NFATC4: variants seen among roughly 807,000 people sequenced by gnomAD.
NFATC4 encodes nuclear factor of activated T-cells, cytoplasmic 4.
In NFATC4, 25 loss-of-function variants were observed where a neutral mutation model predicts 73.4. The ratio of observed to expected loss-of-function variants is 0.34; its 90% CI spans 0.25 to 0.48. NFATC4 has a LOEUF of 0.48. Ranked by LOEUF, NFATC4 falls within the 20% of genes least tolerant of loss-of-function variation. NFATC4 has a pLI of 0.99. For synonymous variants in NFATC4, 523 were observed against 510.3 expected (o/e 1.02, Z -0.34); for missense variants, 1,130 against 1,203.7 (o/e 0.94, Z 0.91).
At chr14:24,371,733 C>T (rs2042478174) in intron 2 of NFATC4, 1 of 152,660 alleles carries the variant, frequency 6.6e-6, no homozygotes, top group African/African-American at 2.4e-5. Context: ...TGCTCTGTCA[C>T]CAAGACTGGA....
chr14:24,367,084 C>A (rs2042328386), upstream of NFATC4: 1 of 1,613,824 alleles, frequency 6.2e-7, no homozygotes. Context: ...CTCTCCTACC[C>A]GCCAGCCTCG....
chr14:24,371,651 T>G (rs1280637505), intron 2 of NFATC4: 1 of 152,622 alleles, frequency 6.6e-6, no homozygotes, highest in Non-Finnish European at 1.5e-5. Context: ...TGCTCAGTCC[T>G]AGGTCTGTCA....
rs753644033 is a variant in NFATC4 at position 24,373,123 on chromosome 14, TGA to T, written c.1360-45_1360-44del. On this transcript the variant is annotated intron_variant, in intron 3 of 9. Transcript: ENST00000250373. This position sits in a 1 kb window ranked among gnomAD's most constrained non-coding sequence, Gnocchi z 4.7. ...TGAAAATCTAGGGATGAATAAAGGA[TGA>T]GACGGTGGGGATTTCAATGAGGTGG... The T allele has an allele frequency of 1.0e-5, 16 of 1,569,554 alleles. No individual in the cohort carries two copies. The Admixed American group carries it at 2.7e-4, about 26-fold the overall frequency.
At chr14:24,368,760 G>T (rs2042376462) in intron 1 of NFATC4, among the ~76,000 whole-genome samples, 1 of 151,996 alleles carries the variant, frequency 6.6e-6, no homozygotes, top group African/African-American at 2.4e-5. Flanking sequence ...GGAAGGGGAG[G>T]TTTGGCGCTG....
At chr14:24,371,528 G>T (rs2042471463) in intron 2 of NFATC4, among the ~76,000 whole-genome samples, 1 of 152,152 alleles carries the variant, frequency 6.6e-6, no homozygotes, top group Non-Finnish European at 1.5e-5. Context: ...CTGTCCTAGG[G>T]TATCAGGGAG....
rs984131194 is a variant in NFATC4 at position 24,376,423 on chromosome 14, A to G, written c.2186A>G (p.Asp729Gly). 2 of 1,613,048 alleles carry G rather than the reference A, an allele frequency of 1.2e-6. No homozygotes were observed. ...RPPYPSYPHE[D>G]PACETPYLSE... The stretch of plus-strand genomic sequence containing the variant: ...CCCTACCCCTCCTATCCCCATGAAG[A>G]CCCTGCTTGCGAAACTCCTTACCTA... The change falls in exon 9 of 10, where the codon GAC (aspartate) becomes GGC (glycine). Residue 729 changes from aspartate to glycine, a missense_variant. Physicochemically the swap from Asp to Gly is moderately conservative, Grantham distance 94. Around this residue, in one of 3 missense-constraint regions of NFATC4, gnomAD observed 390 missense variants for 408.1 expected, o/e 0.96. Coordinates refer to ENST00000250373, the MANE Select transcript of NFATC4 (RefSeq NM_004554.5). The surrounding 1 kb of genome is among the most constrained non-coding windows in gnomAD (Gnocchi z 5.0).
At chr14:24,368,573 T>G (rs986005133) in intron 1 of NFATC4, 133 bp downstream of exon 1, 1 of 787,840 alleles carries the variant, frequency 1.3e-6, no homozygotes. Context: ...TCGGGGGGAC[T>G]CGTTGGCCTG....
Position 24,373,471 on chromosome 14 carries a change from C to T in NFATC4, c.1559+101C>T, listed in dbSNP as rs1274737441. 8.9e-6 allele frequency: 13 copies of T among 1,454,364 alleles called. No individual in the cohort carries two copies. The highest frequency in any genetic ancestry group is 1.2e-5 in the Non-Finnish European group (13 of 1,066,374). 90.1% of individuals were successfully genotyped at this position (1,454,364 alleles called of 1,614,324 possible). ...TCTTCCTTTTCCCAGAAGAGGTAGA[C>T]ATTTTTCCTAGGAGCTGGCTTCAGG... On this transcript the variant is annotated intron_variant, in intron 4 of 9. Transcript: ENST00000250373. The surrounding 1 kb of genome is among the most constrained non-coding windows in gnomAD (Gnocchi z 4.7).
At position 24,376,994 on chromosome 14, in the gene NFATC4, C is replaced by T; in HGVS notation, c.2641+116C>T. 1 of 1,405,648 alleles carries T rather than the reference C, an allele frequency of 7.1e-7. No individual in the cohort carries two copies. 87.1% of individuals were successfully genotyped at this position (1,405,648 alleles called of 1,614,324 possible). A position where few individuals can be genotyped will look rare whatever the true frequency, so the allele number is the denominator to read the frequency against. ...TCGGGCATCCCTGGTCTCTCAGGGCCAGTTGGAGGTTCCCAGGAGGCATGT... is the reference window on the plus strand; with the variant it reads ...TCGGGCATCCCTGGTCTCTCAGGGCTAGTTGGAGGTTCCCAGGAGGCATGT... On this transcript the variant is annotated intron_variant, in intron 9 of 9. Transcript: ENST00000250373. This position sits in a 1 kb window ranked among gnomAD's most constrained non-coding sequence, Gnocchi z 5.0.
At position 24,370,220 on chromosome 14, in the gene NFATC4, G is replaced by C. The variant is rs768667669; in HGVS notation, c.822G>C (p.Ser274=). The C allele has an allele frequency of 3.1e-6, 5 of 1,610,762 alleles. No individual in the cohort carries two copies. The South Asian group carries it at 5.5e-5, about 18-fold the overall frequency. The stretch of plus-strand genomic sequence containing the variant: ...GTGGCAAGCGGCGCTATTCCAGCTC[G>C]GGAACCCCATCTTCAGCCTCCCCAG... ...SPCGKRRYSS[S]GTPSSASPAL... Residue 274 remains serine, a synonymous_variant, in exon 2 of 10, where the codon TCG becomes TCC. Transcript: ENST00000250373.
Position 24,372,366 on chromosome 14 carries a change from C to A in NFATC4, c.1197-75C>A, listed in dbSNP as rs2042496421. Reference sequence around the variant, plus strand: ...CTTTCTCTCAGACCCATACCCCCTCCTCCCTCACAGATCCAGTACGGGCCT... The same window carrying A: ...CTTTCTCTCAGACCCATACCCCCTCATCCCTCACAGATCCAGTACGGGCCT... On this transcript the variant is annotated intron_variant, in intron 2 of 9. Transcript: ENST00000250373. 4 of 1,483,684 alleles carry A rather than the reference C, an allele frequency of 2.7e-6. No homozygotes were observed. In the African/African-American group the frequency reaches 4.2e-5, roughly 16 times the overall value. 91.9% of individuals were successfully genotyped at this position (1,483,684 alleles called of 1,614,324 possible). A position where few individuals can be genotyped will look rare whatever the true frequency, so the allele number is the denominator to read the frequency against.
At chr14:24,370,723 C>A (rs1176424661) in intron 2 of NFATC4, 129 bp downstream of exon 2, 1 of 1,271,234 alleles carries the variant, frequency 7.9e-7, no homozygotes, top group East Asian at 2.5e-5. Flanking sequence ...GCAACCAGCT[C>A]AGCAGCTGCC....
Position 24,376,402 on chromosome 14 carries a change from A to G in NFATC4, c.2165A>G (p.Tyr722Cys), listed in dbSNP as rs1014241753. The stretch of plus-strand genomic sequence containing the variant: ...GACTTCTCACCACCCAGGCCCCCCT[A>G]CCCCTCCTATCCCCATGAAGACCCT... ...DMDFSPPRPP[Y>C]PSYPHEDPAC... Residue 722 changes from tyrosine (Y) to cysteine (C), a missense_variant, in exon 9 of 10, where the codon TAC becomes TGC. Physicochemically the swap from Tyr to Cys is radical, Grantham distance 194. Transcript: ENST00000250373. This position sits in a 1 kb window ranked among gnomAD's most constrained non-coding sequence, Gnocchi z 5.0. The G allele has an allele frequency of 1.9e-6, 3 of 1,612,778 alleles. No individual in the cohort carries two copies. In the African/African-American group the frequency reaches 4.0e-5, roughly 22 times the overall value.
rs531413219 is a variant in NFATC4 at position 24,375,956 on chromosome 14, C to A, written c.1930-19C>A. ...CCAGATGCCCGAGGGCTCCCTGCCT[C>A]ATTTTTACTCTTCCCTAGGTGACGC... On this transcript the variant is annotated intron_variant, in intron 7 of 9. Transcript: ENST00000250373. The A allele has an allele frequency of 2.5e-6, 4 of 1,613,758 alleles. No homozygotes were observed. The highest frequency in any genetic ancestry group is 3.3e-5 in the Admixed American group (2 of 60,008).
chr14:24,367,358 GATTC>G (rs748161901), upstream of NFATC4: 38 of 1,536,424 alleles, frequency 2.5e-5, no homozygotes, highest in Non-Finnish European at 3.1e-5. Flanking sequence ...TCGGGTCAGA[GATTC>G]ATTCCAGACT....
Position 24,376,911 on chromosome 14 carries a change from T to C in NFATC4, c.2641+33T>C. The C allele has an allele frequency of 6.6e-7, 1 of 1,509,960 alleles. No homozygotes were observed. The highest frequency in any genetic ancestry group is 8.8e-7 in the Non-Finnish European group (1 of 1,132,118). 93.5% of individuals were successfully genotyped at this position (1,509,960 alleles called of 1,614,324 possible). On this transcript the variant is annotated intron_variant, in intron 9 of 9. Coordinates refer to ENST00000250373, the MANE Select transcript of NFATC4 (RefSeq NM_004554.5). This position sits in a 1 kb window ranked among gnomAD's most constrained non-coding sequence, Gnocchi z 5.0. ...TGGGACTGGGGGCTGTGAGTGTGAG[T>C]GTGTGCAAGAGATTGCTCTGCATGT...
In NFATC4 at chr14:24,369,998, T is replaced by A; in HGVS notation, c.600T>A (p.Ser200=). The change falls in exon 2 of 10, where the codon TCT becomes TCA. Residue 200 remains serine (S), a synonymous_variant. Transcript: ENST00000250373. ...ALYAACDEVE[S]ELNEAASRFG... ...ATGCAGCCTGCGACGAGGTGGAGTC[T>A]GAGCTAAATGAGGCGGCCTCCCGCT... 6.2e-7 allele frequency: 1 copy of A among 1,612,738 alleles called. No homozygotes were observed. The highest frequency in any genetic ancestry group is 1.3e-5 in the African/African-American group (1 of 75,038).
Position 24,373,031 on chromosome 14 carries a change from C to A in NFATC4, c.1360-140C>A, listed in dbSNP as rs552773345. 9.5e-6 allele frequency: 8 copies of A among 845,170 alleles called. No individual in the cohort carries two copies. In the Admixed American group the frequency reaches 1.1e-4, roughly 11 times the overall value. 52.4% of individuals were successfully genotyped at this position (845,170 alleles called of 1,614,324 possible). On this transcript the variant is annotated intron_variant, in intron 3 of 9. Coordinates refer to ENST00000250373, the MANE Select transcript of NFATC4 (RefSeq NM_004554.5). This position sits in a 1 kb window ranked among gnomAD's most constrained non-coding sequence, Gnocchi z 4.7. ...GCCATGTTTTCTCCACAACGGGTGCCCAGTTCCCCAAGGGATTCCCTTGCA... is the reference window on the plus strand; with the variant it reads ...GCCATGTTTTCTCCACAACGGGTGCACAGTTCCCCAAGGGATTCCCTTGCA...
At position 24,373,555 on chromosome 14, in the gene NFATC4, C is replaced by A; in HGVS notation, c.1560-140C>A. On this transcript the variant is annotated intron_variant, in intron 4 of 9. Coordinates refer to ENST00000250373, the MANE Select transcript of NFATC4 (RefSeq NM_004554.5). The surrounding 1 kb of genome is among the most constrained non-coding windows in gnomAD (Gnocchi z 4.7). ...TGGGGGTACCCCAGAGAGGCCATCTCTGGGTTAGAAAATAGCCTCCTAGGC... is the reference window on the plus strand; with the variant it reads ...TGGGGGTACCCCAGAGAGGCCATCTATGGGTTAGAAAATAGCCTCCTAGGC... 1 of 1,411,740 alleles carries A rather than the reference C, an allele frequency of 7.1e-7. No individual in the cohort carries two copies. The highest frequency in any genetic ancestry group is 9.6e-7 in the Non-Finnish European group (1 of 1,038,942). The allele number at this position is 1,411,740 out of a possible 1,614,324, so 87.5% of individuals were successfully genotyped here.
Sources: gnomAD v4.1 joint callset for allele counts (sites outside exome capture counted in the v4.1 genomes callset) on GRCh38, gnomAD v4.1.1 for gene constraint, gnomAD v4.1.1 regional missense constraint, Gnocchi (gnomAD v3.1) non-coding constraint, MANE v1.5 for transcripts, NCBI Gene and HGNC (gene_info 2026-07-23, HGNC 2026-07-21) for gene names.